Variants in KCNH8 observed in about 807,000 individuals in gnomAD.
KCNH8 encodes potassium voltage-gated channel subfamily H member 8, also known as voltage-gated delayed rectifier potassium channel KCNH8.
Under a neutral mutation model 103.6 loss-of-function variants are expected in KCNH8, and 70 were observed. The ratio of observed to expected loss-of-function variants is 0.68; its 90% CI spans 0.56 to 0.82. The LOEUF is 0.82. KCNH8 is among the 40% of genes least tolerant of loss of function. The pLI is 0.00. For missense variants in KCNH8, 1,217 were observed against 1,329.9 expected (o/e 0.92, Z 1.32); for synonymous variants, 498 against 489.4 (o/e 1.02, Z -0.23).
chr3:19,449,061 G>A, intron 8 of KCNH8: 1 of 828,602 alleles, frequency 1.2e-6, no homozygotes, highest in African/African-American at 1.8e-5. Flanking sequence ...ATACCTAGAT[G>A]CTTCCCAAAG....
intron 10 of KCNH8, 47 bp downstream of exon 10, chr3:19,451,451 AAATT>A: frequency 6.3e-7 from 1 of 1,582,396 alleles, no homozygotes; most frequent in Non-Finnish European, 8.6e-7. Context: ...TCTGGAGCAT[AAATT>A]AAGAAGATGA....
intron 7 of KCNH8, among the ~76,000 whole-genome samples, chr3:19,429,334 C>G (rs540635480): frequency 6.6e-6 from 1 of 151,964 alleles, no homozygotes; most frequent in Non-Finnish European, 1.5e-5. Flanking sequence ...CCACTACATC[C>G]GGCTAATTTT....
At chr3:19,300,289 G>T (rs566214685) in intron 3 of KCNH8, among the ~76,000 whole-genome samples, 3 of 151,754 alleles carry the variant, frequency 2.0e-5, no homozygotes, top group African/African-American at 7.2e-5. Flanking sequence ...ATATGAACAG[G>T]TGTTATATAA....
At chr3:19,387,453 G>A (rs918267147) in intron 5 of KCNH8, among the ~76,000 whole-genome samples, 3 of 152,142 alleles carry the variant, frequency 2.0e-5, no homozygotes, top group Non-Finnish European at 4.4e-5. Flanking sequence ...AGTGATAGTA[G>A]TCCACCTGAG....
chr3:19,246,407 G>C (rs892575770), intron 1 of KCNH8, among the ~76,000 whole-genome samples: 5 of 150,782 alleles, frequency 3.3e-5, no homozygotes, highest in South Asian at 2.1e-4. Context: ...CTCCCGAGTA[G>C]CTGGGACTAC....
At chr3:19,227,096 G>A (rs207463021) in intron 1 of KCNH8, among the ~76,000 whole-genome samples, 3 of 152,134 alleles carry the variant, frequency 2.0e-5, no homozygotes, top group African/African-American at 7.2e-5. Context: ...CATAAATATG[G>A]GAAATATCAC....
At chr3:19,423,694 T>C (rs1014752653) in intron 7 of KCNH8, among the ~76,000 whole-genome samples, 2 of 151,928 alleles carry the variant, frequency 1.3e-5, no homozygotes. Context: ...TAATGGGCAT[T>C]TAGGCTGGTT....
rs112648621 is a variant in KCNH8, at chr3:19,405,646, T to C, written c.1177+10335T>C. Among the ~76,000 whole-genome samples the C allele has an allele frequency of 3.9e-5, 6 of 151,948 alleles. No individual in the cohort carries two copies. The South Asian group carries it at 6.2e-4, about 16-fold the overall frequency. ...TGTGATATACCACAGAACTTTATATTGTGGTTCTCAAAAGTGTATTTCATA... is the reference window on the plus strand; with the variant it reads ...TGTGATATACCACAGAACTTTATATCGTGGTTCTCAAAAGTGTATTTCATA... On this transcript the variant is annotated intron_variant, in intron 7 of 15. Coordinates refer to ENST00000328405, the MANE Select transcript of KCNH8 (RefSeq NM_144633.3).
intron 7 of KCNH8, among the ~76,000 whole-genome samples, chr3:19,407,740 A>T (rs1218855131): frequency 6.6e-6 from 1 of 152,038 alleles, no homozygotes; most frequent in East Asian, 1.9e-4. Context: ...CCACCCCTCC[A>T]TGCAGAAATC....
chr3:19,340,618 CCTTA>C (rs1173051616), intron 3 of KCNH8, among the ~76,000 whole-genome samples: 1 of 151,962 alleles, frequency 6.6e-6, no homozygotes, highest in African/African-American at 2.4e-5. Context: ...ATAGCTAGAT[CCTTA>C]CTTTTTGTTA....
Position 19,148,641 on chromosome 3 carries a change from T to C in KCNH8, c.-79T>C. 7.1e-7 allele frequency: 1 copy of C among 1,409,942 alleles called. No homozygotes were observed. The highest frequency in any genetic ancestry group is 1.0e-6 in the Non-Finnish European group (1 of 993,062). The allele number at this position is 1,409,942 out of a possible 1,614,324, so 87.3% of individuals were successfully genotyped here. On this transcript the variant is annotated 5_prime_UTR_variant, in exon 1 of 16. Coordinates refer to ENST00000328405, the MANE Select transcript of KCNH8 (RefSeq NM_144633.3). ...CTTCCCTGCCGTCATCAGGTTCCCCTTCTCCCTTCTTGGCACTTTCCTTTC... is the reference window on the plus strand; with the variant it reads ...CTTCCCTGCCGTCATCAGGTTCCCCCTCTCCCTTCTTGGCACTTTCCTTTC...
chr3:19,509,194 TTGAC>T (rs1224947625), intron 11 of KCNH8, among the ~76,000 whole-genome samples: 2 of 152,210 alleles, frequency 1.3e-5, no homozygotes, highest in African/African-American at 4.8e-5. Context: ...GTAGAATCGG[TTGAC>T]TGCTATCATA....
intron 1 of KCNH8, among the ~76,000 whole-genome samples, chr3:19,155,415 T>G (rs1233449262): frequency 6.6e-6 from 1 of 152,226 alleles, no homozygotes; most frequent in Non-Finnish European, 1.5e-5. Flanking sequence ...TAGACCCCTG[T>G]GACCATCAGT....
intron 7 of KCNH8, among the ~76,000 whole-genome samples, chr3:19,413,727 T>C (rs1159496102): frequency 1.3e-5 from 2 of 152,010 alleles, no homozygotes; most frequent in African/African-American, 4.8e-5. Context: ...AATAATTTGT[T>C]TTTTGAGCCA....
chr3:19,219,975 G>A (rs528488130), intron 1 of KCNH8, among the ~76,000 whole-genome samples: 3 of 152,282 alleles, frequency 2.0e-5, no homozygotes, highest in African/African-American at 4.8e-5. Context: ...GAGAGGACAC[G>A]GTTTAAAGGG....
chr3:19,534,134 C>A lies in KCNH8; in HGVS notation c.*35C>A, dbSNP rs749431919. 83 of 1,484,768 alleles carry A rather than the reference C, an allele frequency of 5.6e-5. No individual in the cohort carries two copies. Among genetic ancestry groups the A allele is most frequent in the Non-Finnish European group, 3.3e-5 (35 of 1,073,396 alleles). 92.0% of individuals were successfully genotyped at this position (1,484,768 alleles called of 1,614,324 possible). On this transcript the variant is annotated 3_prime_UTR_variant, in exon 16 of 16. Coordinates refer to ENST00000328405, the MANE Select transcript of KCNH8 (RefSeq NM_144633.3). ...CCATGATGCAGCAGCTAATTTCAAA[C>A]CTACCACTGCATGACAGTTTTAGTT...
At chr3:19,174,469 G>A (rs2063378552) in intron 1 of KCNH8, among the ~76,000 whole-genome samples, 1 of 152,014 alleles carries the variant, frequency 6.6e-6, no homozygotes, top group South Asian at 2.1e-4. Flanking sequence ...AATAGAATGG[G>A]GTTAAGCAAG....
At chr3:19,411,552 C>T (rs1273715751) in intron 7 of KCNH8, among the ~76,000 whole-genome samples, 2 of 151,906 alleles carry the variant, frequency 1.3e-5, no homozygotes, top group Non-Finnish European at 2.9e-5. Flanking sequence ...GTCATCCAAA[C>T]AGGAAAAGAA....
chr3:19,186,448 AG>A (rs1292956646), intron 1 of KCNH8, among the ~76,000 whole-genome samples: 1 of 151,980 alleles, frequency 6.6e-6, no homozygotes, highest in Non-Finnish European at 1.5e-5. Flanking sequence ...GTGCTGCTTA[AG>A]GGCACTTTTT....
Sources: allele counts gnomAD v4.1 joint callset (sites outside exome capture counted in the v4.1 genomes callset), GRCh38; gene constraint gnomAD v4.1.1; transcripts MANE v1.5; gene names NCBI Gene and HGNC (gene_info 2026-07-23, HGNC 2026-07-21).